Variants in SMAP1 observed in about 807,000 individuals in gnomAD.
SMAP1 encodes stromal membrane-associated protein 1.
SMAP1 carries 24 observed loss-of-function variants against 58.5 expected under a neutral mutation model. The ratio of observed to expected loss-of-function variants is 0.41; its 90% CI spans 0.30 to 0.58. The LOEUF (loss-of-function observed/expected upper bound fraction) is 0.58. Among genes scored for constraint, SMAP1 ranks in the 20% least tolerant of loss-of-function variants. The probability of loss-of-function intolerance (pLI) is 0.29; values close to 1 mark genes in which losing one functional copy is unlikely to be tolerated. For missense variants in SMAP1, 563 were observed against 566.3 expected (o/e 0.99, Z 0.06); for synonymous variants, 216 against 196.6 (o/e 1.10, Z -0.82).
At chr6:70,704,291 G>A (rs1767751036) in intron 1 of SMAP1, among the ~76,000 whole-genome samples, 1 of 152,142 alleles carries the variant, frequency 6.6e-6, no homozygotes, top group African/African-American at 2.4e-5. Context: ...TCCAATGAAA[G>A]CTTGATACTG....
intron 3 of SMAP1, among the ~76,000 whole-genome samples, chr6:70,757,638 T>C (rs1182673628): frequency 2.0e-5 from 3 of 151,540 alleles, no homozygotes; most frequent in Non-Finnish European, 2.9e-5. Context: ...AGGGCTAATA[T>C]CCAGAATCTA....
At chr6:70,831,124 A>G (rs1203786489) in intron 6 of SMAP1, among the ~76,000 whole-genome samples, 1 of 152,208 alleles carries the variant, frequency 6.6e-6, no homozygotes, top group African/African-American at 2.4e-5. Flanking sequence ...TTCCTAGTCC[A>G]ATAGCTGAGG....
At chr6:70,685,125 G>C (rs1275967436) in intron 1 of SMAP1, among the ~76,000 whole-genome samples, 1 of 151,936 alleles carries the variant, frequency 6.6e-6, no homozygotes, top group Non-Finnish European at 1.5e-5. Context: ...ATTATGCCAG[G>C]TCTTAGTTTT....
At chr6:70,775,281 T>C (rs1284789635) in intron 4 of SMAP1, among the ~76,000 whole-genome samples, 1 of 152,166 alleles carries the variant, frequency 6.6e-6, no homozygotes, top group African/African-American at 2.4e-5. Flanking sequence ...GAACATACTG[T>C]TTCATATTAA....
At chr6:70,752,978 A>G (rs1442211806) in intron 2 of SMAP1, among the ~76,000 whole-genome samples, 1 of 152,130 alleles carries the variant, frequency 6.6e-6, no homozygotes, top group Non-Finnish European at 1.5e-5. Context: ...TAATGTTACT[A>G]TTTGTGATAA....
chr6:70,841,363 A>G (rs1346684708), intron 7 of SMAP1, among the ~76,000 whole-genome samples: 2 of 152,194 alleles, frequency 1.3e-5, no homozygotes, highest in African/African-American at 4.8e-5. Context: ...CCTACCAGAC[A>G]CAGAGTTGTA....
At chr6:70,803,079 T>C (rs1582219235) in intron 6 of SMAP1, among the ~76,000 whole-genome samples, 1 of 152,232 alleles carries the variant, frequency 6.6e-6, no homozygotes, top group East Asian at 1.9e-4. Context: ...TCAGAAGGAA[T>C]GGTACTAGCT....
chr6:70,808,072 A>G (rs1407756729), intron 6 of SMAP1, among the ~76,000 whole-genome samples: 1 of 152,220 alleles, frequency 6.6e-6, no homozygotes, highest in Non-Finnish European at 1.5e-5. Context: ...GTAGATCATC[A>G]TAAAGGTTTT....
At chr6:70,761,906 T>G (rs1298571952) in intron 3 of SMAP1, among the ~76,000 whole-genome samples, 1 of 152,110 alleles carries the variant, frequency 6.6e-6, no homozygotes, top group African/African-American at 2.4e-5. Context: ...TATCTTAATC[T>G]TCAAACTCTT....
At chr6:70,744,784 C>T (rs1404124623) in intron 2 of SMAP1, among the ~76,000 whole-genome samples, 3 of 152,212 alleles carry the variant, frequency 2.0e-5, no homozygotes, top group African/African-American at 7.2e-5. Flanking sequence ...TTTACAGTCC[C>T]ACCAACAGTG....
intron 4 of SMAP1, 27 bp downstream of exon 4, chr6:70,773,452 A>G (rs1179564956): frequency 2.2e-6 from 3 of 1,365,426 alleles, no homozygotes; most frequent in Non-Finnish European, 1.0e-6. Flanking sequence ...TCTCTCATCA[A>G]TTGTTTGTTG....
intron 6 of SMAP1, among the ~76,000 whole-genome samples, chr6:70,807,763 A>G (rs905286001): frequency 4.6e-5 from 7 of 152,070 alleles, no homozygotes; most frequent in Admixed American, 3.3e-4. Context: ...TTATAGTACT[A>G]TTTATTACAA....
At chr6:70,785,155 G>A (rs983530769) in intron 4 of SMAP1, among the ~76,000 whole-genome samples, 23 of 152,006 alleles carry the variant, frequency 1.5e-4, no homozygotes, top group African/African-American at 2.7e-4. Context: ...AAACTCACTC[G>A]AAACCGCTCA....
At chr6:70,700,828 G>C (rs971708974) in intron 1 of SMAP1, among the ~76,000 whole-genome samples, 1 of 152,154 alleles carries the variant, frequency 6.6e-6, no homozygotes, top group Non-Finnish European at 1.5e-5. Context: ...CAAGACCCAA[G>C]GGCTCTTTAG....
chr6:70,694,709 T>C (rs1277291429), intron 1 of SMAP1: 4 of 152,264 alleles, frequency 2.6e-5, no homozygotes, highest in Admixed American at 2.6e-4. Context: ...TTTTGCTGAA[T>C]AGCATTTTAT....
At chr6:70,718,625 G>A (rs985553650) in intron 1 of SMAP1, among the ~76,000 whole-genome samples, 25 of 152,030 alleles carry the variant, frequency 1.6e-4, no homozygotes, top group Non-Finnish European at 2.4e-4. Context: ...TTGGAGACCA[G>A]CCTGGCCAAC....
At chr6:70,744,361 C>A (rs1415831559) in intron 2 of SMAP1, among the ~76,000 whole-genome samples, 4 of 151,718 alleles carry the variant, frequency 2.6e-5, no homozygotes, top group Non-Finnish European at 4.4e-5. Flanking sequence ...GTGTGATGTT[C>A]CCCACACTGT....
chr6:70,689,623 A>G (rs552708481), intron 1 of SMAP1, among the ~76,000 whole-genome samples: 51 of 152,304 alleles, frequency 3.3e-4, no homozygotes, highest in Admixed American at 1.8e-3. Context: ...TCAGATTTCA[A>G]TGGGGAATCA....
intron 6 of SMAP1, among the ~76,000 whole-genome samples, chr6:70,824,761 C>G (rs1231029411): frequency 6.6e-6 from 1 of 152,208 alleles, no homozygotes; most frequent in Non-Finnish European, 1.5e-5. Context: ...TATTTTCTAT[C>G]AACTCTACCT....
Sources: gnomAD v4.1 joint callset for allele counts (sites outside exome capture counted in the v4.1 genomes callset) on GRCh38, gnomAD v4.1.1 for gene constraint, MANE v1.5 for transcripts, NCBI Gene and HGNC (gene_info 2026-07-23, HGNC 2026-07-21) for gene names.